The following YLPM1 variants were observed in gnomAD, a reference collection of about 807,000 sequenced individuals.
The protein encoded by YLPM1 is YLP motif containing 1.
Under a neutral mutation model 230.0 loss-of-function variants are expected in YLPM1, and 99 were observed. The ratio of observed to expected loss-of-function variants is 0.43; its 90% confidence interval spans 0.37 to 0.51. The LOEUF (loss-of-function observed/expected upper bound fraction) is 0.51, where lower values mean the gene tolerates loss of function less well. Ranked by LOEUF, YLPM1 falls within the 20% of genes least tolerant of loss-of-function variation. The probability of loss-of-function intolerance (pLI) is 0.00; values close to 1 mark genes in which losing one functional copy is unlikely to be tolerated. For synonymous variants in YLPM1, 984 were observed against 942.5 expected, an observed-to-expected ratio of 1.04 and a Z score of -0.81; for missense variants, 2,592 against 2,707.7, an observed-to-expected ratio of 0.96 and a Z score of 0.95.
At chr14:74,791,711 AT>A (rs1428641479) in intron 4 of YLPM1, among the ~76,000 whole-genome samples, 2 of 152,186 alleles carry the variant, frequency 1.3e-5, no homozygotes, top group African/African-American at 4.8e-5. Context: ...TGTTGAGTTA[AT>A]TGTCTCACTC....
chr14:74,789,290 C>T (rs752028627), intron 4 of YLPM1, among the ~76,000 whole-genome samples: 3 of 152,110 alleles, frequency 2.0e-5, no homozygotes, highest in Middle Eastern at 3.2e-3. Context: ...CAGTGGCGCT[C>T]ACTGCAACCA....
chr14:74,820,889 C>G (rs1179961029), intron 16 of YLPM1, among the ~76,000 whole-genome samples, 168 bp from the exon 17 acceptor site: 2 of 152,124 alleles, frequency 1.3e-5, no homozygotes. Flanking sequence ...AGTATCCTGT[C>G]TTTTATCAGT....
chr14:74,816,663 A>C lies in YLPM1; in HGVS notation c.5658A>C (p.Pro1886=). ...AAGTGGAAAAAGAAGAAAAAGATCC[A>C]GATTCTGGAAAGAAAGTGAAAAAGA... The part of the protein sequence containing the change: ...ITEVEKEEKD[P]DSGKKVKKKV... Residue 1886 remains proline (P), a synonymous_variant, in exon 13 of 21, where the codon CCA becomes CCC. Transcript: ENST00000325680. The C allele has an allele frequency of 6.2e-7, 1 of 1,613,378 alleles. No individual in the cohort carries two copies. Among genetic ancestry groups the C allele is most frequent in the Middle Eastern group, 1.7e-4 (1 of 6,058 alleles).
intron 19 of YLPM1, among the ~76,000 whole-genome samples, chr14:74,831,593 C>T (rs796991356): frequency 5.4e-4 from 82 of 152,264 alleles, no homozygotes; most frequent in African/African-American, 1.9e-3. Flanking sequence ...GTTGGGTGAC[C>T]AAAGAGAACT....
rs1351185394 is a variant in YLPM1, at chr14:74,781,703, A to G, written c.1660A>G (p.Thr554Ala). Residue 554 changes from threonine to alanine, a missense_variant, in exon 4 of 21, where the codon ACA becomes GCA. Transcript: ENST00000325680. Reference sequence around the variant, plus strand: ...AGTGATGCCCCCTGCCCTCCCTGCTACAGTGCCACCACCTGGCATGCCCCC... The same window carrying G: ...AGTGATGCCCCCTGCCCTCCCTGCTGCAGTGCCACCACCTGGCATGCCCCC... Reference protein sequence around the residue: ...PPVMPPALPATVPPPGMPPPV... With the variant: ...PPVMPPALPAAVPPPGMPPPV... 7 of 1,583,548 alleles carry G rather than the reference A, an allele frequency of 4.4e-6. No individual in the cohort carries two copies. Among genetic ancestry groups the G allele is most frequent in the Non-Finnish European group, 6.0e-6 (7 of 1,171,006 alleles).
intron 19 of YLPM1, among the ~76,000 whole-genome samples, chr14:74,830,494 T>G (rs2091600557): frequency 6.6e-6 from 1 of 152,236 alleles, no homozygotes; most frequent in South Asian, 2.1e-4. Flanking sequence ...ACCATTCTTT[T>G]TAAAGGGCTA....
At chr14:74,764,993 T>G (rs576746101) in intron 1 of YLPM1, among the ~76,000 whole-genome samples, 17 of 152,336 alleles carry the variant, frequency 1.1e-4, no homozygotes, top group African/African-American at 4.1e-4. Flanking sequence ...GACCCAGACA[T>G]CCTTTTCTCA....
chr14:74,805,362 CTT>C (rs201160788), intron 6 of YLPM1, among the ~76,000 whole-genome samples: 1 of 150,480 alleles, frequency 6.6e-6, no homozygotes, highest in Non-Finnish European at 1.5e-5. Flanking sequence ...TGTTTTGTCT[CTT>C]TTTTTTTGCT....
At chr14:74,805,671 A>G (rs1438655515) in intron 6 of YLPM1, among the ~76,000 whole-genome samples, 2 of 151,448 alleles carry the variant, frequency 1.3e-5, no homozygotes, top group African/African-American at 4.9e-5. Context: ...TTAACGTCCC[A>G]AAGTGGGACA....
intron 1 of YLPM1, among the ~76,000 whole-genome samples, chr14:74,770,626 G>A (rs1020056840): frequency 7.9e-6 from 1 of 126,408 alleles, no homozygotes; most frequent in African/African-American, 2.5e-5. Flanking sequence ...CTCCATCTCA[G>A]TTAAAAAAAA....
intron 4 of YLPM1, among the ~76,000 whole-genome samples, chr14:74,783,350 G>A (rs1284374644): frequency 6.6e-6 from 1 of 152,178 alleles, no homozygotes; most frequent in African/African-American, 2.4e-5. Context: ...GCCTCCCAAA[G>A]TGCTGGGATT....
chr14:74,795,142 T>C (rs1223159944), intron 4 of YLPM1, among the ~76,000 whole-genome samples: 1 of 152,216 alleles, frequency 6.6e-6, no homozygotes, highest in Non-Finnish European at 1.5e-5. Context: ...TCACTTCACC[T>C]GTATTGTGCA....
chr14:74,805,542 G>C (rs1007760369), intron 6 of YLPM1, among the ~76,000 whole-genome samples: 4 of 151,404 alleles, frequency 2.6e-5, no homozygotes, highest in East Asian at 1.9e-4. Context: ...GTAGGGACAG[G>C]GTCTCGCGTT....
intron 2 of YLPM1, among the ~76,000 whole-genome samples, chr14:74,779,381 C>T (rs1415599002): frequency 6.6e-6 from 1 of 150,480 alleles, no homozygotes; most frequent in Non-Finnish European, 1.5e-5. Flanking sequence ...CTTCAATTTA[C>T]TCCTCTGCAA....
In YLPM1 at chr14:74,810,312, G is replaced by A. The variant is rs749956847; in HGVS notation, c.5120G>A (p.Arg1707Gln). Residue 1707 changes from arginine (R) to glutamine (Q), a missense_variant, in exon 9 of 21, where the codon CGA (arginine) becomes CAA (glutamine). Around this residue, in one of 4 missense-constraint regions of YLPM1, gnomAD observed 403 missense variants for 426.7 expected, o/e 0.94. Transcript: ENST00000325680. Reference sequence around the variant, plus strand: ...CAAAGTAATGTCATAGCAGATCATCGAGATTTTAAAAGGGATCGTGAGACA... The same window carrying A: ...CAAAGTAATGTCATAGCAGATCATCAAGATTTTAAAAGGGATCGTGAGACA... ...DRQSNVIADH[R>Q]DFKRDRETHR... 37 of 1,613,516 alleles carry A rather than the reference G, an allele frequency of 2.3e-5. No individual in the cohort carries two copies. Among genetic ancestry groups the A allele is most frequent in the Non-Finnish European group, 3.1e-5 (36 of 1,179,836 alleles).
chr14:74,818,309 G>GA lies in YLPM1; in HGVS notation c.6027dup (p.Glu2010ArgfsTer8), dbSNP rs1359624752. 1 of 1,596,922 alleles carries GA rather than the reference G, an allele frequency of 6.3e-7. No homozygotes were observed. The highest frequency in any genetic ancestry group is 8.5e-7 in the Non-Finnish European group (1 of 1,171,646). ...TTCTTTGCTGCAAGATGCTGCTATT[G>GA]AAGAGGTGAGTATCCTTTGGTTCAA... On this transcript the variant is annotated frameshift_variant, in exon 16 of 21. Coordinates refer to ENST00000325680, the MANE Select transcript of YLPM1 (RefSeq NM_019589.3). LOFTEE classifies it high-confidence loss of function.
intron 4 of YLPM1, among the ~76,000 whole-genome samples, chr14:74,792,534 T>G (rs113068343): frequency 0.05 from 7,575 of 152,218 alleles, 511 homozygotes; most frequent in African/African-American, 0.15. Context: ...TTTAAAAAAA[T>G]TGGGCCAAAT....
In YLPM1 at chr14:74,835,312, G is replaced by A; in HGVS notation, c.6342G>A (p.Arg2114=). 2 of 1,613,676 alleles carry A rather than the reference G, an allele frequency of 1.2e-6. No homozygotes were observed. The highest frequency in any genetic ancestry group is 1.7e-6 in the Non-Finnish European group (2 of 1,179,692). ...AGAAGAAGGATGCAGATAGGAAAAG[G>A]GCCATAGGTTTTGTGGTCGGACAGA... ...LEEKKDADRK[R]AIGFVVGQTD... Residue 2114 remains arginine, a synonymous_variant, in exon 20 of 21, where the codon AGG becomes AGA. Coordinates refer to ENST00000325680, the MANE Select transcript of YLPM1 (RefSeq NM_019589.3).
intron 2 of YLPM1, among the ~76,000 whole-genome samples, chr14:74,779,602 A>AT (rs2091073470): frequency 1.3e-5 from 2 of 149,508 alleles, no homozygotes. Context: ...AAAGAAACGG[A>AT]TTTTTCATAG....
Sources: allele counts gnomAD v4.1 joint callset (sites outside exome capture counted in the v4.1 genomes callset), GRCh38; gene constraint gnomAD v4.1.1; regional missense constraint gnomAD v4.1.1; transcripts MANE v1.5; gene names NCBI Gene and HGNC (gene_info 2026-07-23, HGNC 2026-07-21).